Variants in RELL1 observed in about 807,000 individuals in gnomAD.
RELL1 encodes RELT-like protein 1.
A neutral mutation model predicts 23.0 loss-of-function variants in RELL1; 10 were observed. The observed-to-expected ratio is 0.43, with a 90% CI of 0.27 to 0.74. RELL1 has a LOEUF of 0.74. Ranked by LOEUF, RELL1 falls within the 30% of genes least tolerant of loss-of-function variation. RELL1 has a pLI of 0.19. For missense variants in RELL1, 315 were observed against 364.4 expected (o/e 0.86, Z 1.10); for synonymous variants, 146 against 146.8 (o/e 0.99, Z 0.04).
intron 3 of RELL1, among the ~76,000 whole-genome samples, chr4:37,646,695 A>G (rs1431047537): frequency 6.6e-6 from 1 of 152,136 alleles, no homozygotes; most frequent in Non-Finnish European, 1.5e-5. Context: ...TGTCCCAACA[A>G]TGCTGTGAAG....
At position 37,678,933 on chromosome 4, in the gene RELL1, A is replaced by T. The variant is rs75427792; in HGVS notation, c.88+7267T>A. 7.7e-4 allele frequency among the ~76,000 whole-genome samples: 117 copies of T among 152,320 alleles called. 2 individuals are homozygous for T. In the East Asian group the frequency reaches 0.018, roughly 24 times the overall value. On this transcript the variant is annotated intron_variant, in intron 1 of 6. Transcript: ENST00000454158. ...GAGAGGAGGATCAGGTAGGGCTGGC[A>T]GCTGGCAAGGGAAATGGGAGATACC...
chr4:37,604,761 CCACA>C (rs200811075), intron 6 of RELL1, among the ~76,000 whole-genome samples: 2 of 50,224 alleles, frequency 4.0e-5, no homozygotes, highest in Admixed American at 2.3e-4. Flanking sequence ...AAAACAAGAA[CCACA>C]CACACACACA....
chr4:37,632,096 A>AAAC (rs1720160285), intron 5 of RELL1, among the ~76,000 whole-genome samples: 1 of 150,270 alleles, frequency 6.7e-6, no homozygotes, highest in Non-Finnish European at 1.5e-5. Flanking sequence ...AAAAAAAAAA[A>AAAC]AAAAAAAAAA....
chr4:37,658,291 A>C (rs1461621096), intron 1 of RELL1, among the ~76,000 whole-genome samples: 1 of 152,216 alleles, frequency 6.6e-6, no homozygotes, highest in Admixed American at 6.5e-5. Flanking sequence ...AATCAGGATC[A>C]GAATGGAAAG....
At chr4:37,684,540 C>G (rs1722334277) in intron 1 of RELL1, among the ~76,000 whole-genome samples, 1 of 152,176 alleles carries the variant, frequency 6.6e-6, no homozygotes, top group Non-Finnish European at 1.5e-5. Flanking sequence ...CCAGATTAAA[C>G]TCTTCCCCAG....
At chr4:37,590,939 C>T (rs777330778) in exon 7 of RELL1, 52 of 1,613,946 alleles carry the variant, frequency 3.2e-5, no homozygotes, top group Admixed American at 5.0e-5. Flanking sequence ...GCAGCGGTGG[C>T]GGAGGCCCTT....
At chr4:37,648,136 A>G (rs1720773898) in intron 2 of RELL1, among the ~76,000 whole-genome samples, 1 of 152,256 alleles carries the variant, frequency 6.6e-6, no homozygotes, top group African/African-American at 2.4e-5. Flanking sequence ...TTACCTGGAC[A>G]ATGCCTTCTC....
intron 6 of RELL1, among the ~76,000 whole-genome samples, chr4:37,596,730 A>ATATATATATATATATATATATT (rs1718864312): frequency 5.9e-5 from 1 of 16,972 alleles, no homozygotes; most frequent in Non-Finnish European, 1.6e-4. Context: ...ATATATATAT[A>ATATATATATATATATATATATT]TATATATTTT....
At chr4:37,637,567 GC>G (rs925151300) in intron 4 of RELL1, among the ~76,000 whole-genome samples, 3 of 152,136 alleles carry the variant, frequency 2.0e-5, no homozygotes, top group Non-Finnish European at 2.9e-5. Context: ...ATGCCCATTG[GC>G]CCCCCGGGGT....
At chr4:37,588,927 A>G (rs768923646), downstream of RELL1, 3 of 1,585,218 alleles carry the variant, frequency 1.9e-6, no homozygotes, top group African/African-American at 2.7e-5. Context: ...CTACTTCTAA[A>G]TGGAGGAATT....
chr4:37,636,752 G>C (rs998616065), intron 4 of RELL1, among the ~76,000 whole-genome samples: 9 of 152,266 alleles, frequency 5.9e-5, no homozygotes, highest in African/African-American at 2.2e-4. Flanking sequence ...GAGTACTGAG[G>C]GTGGCGTGGC....
At chr4:37,651,328 T>G (rs1311049011) in intron 1 of RELL1, among the ~76,000 whole-genome samples, 1 of 151,780 alleles carries the variant, frequency 6.6e-6, no homozygotes, top group African/African-American at 2.4e-5. Context: ...AAATACAAAA[T>G]GAAGAGGGGA....
chr4:37,623,710 G>A lies in RELL1; in HGVS notation c.*3+7675C>T, dbSNP rs28562724. 7.5e-3 allele frequency among the ~76,000 whole-genome samples: 1,142 copies of A among 152,148 alleles called. 13 individuals carry two copies. Among genetic ancestry groups the A allele is most frequent in the African/African-American group, 0.026 (1,069 of 41,502 alleles). ...GGCTCAGTCTCCCACACAGGAGTAC[G>A]GCAGGCATCACGGCACTACTTTTAC... On this transcript the variant is annotated intron_variant, in intron 6 of 6. Transcript: ENST00000454158.
chr4:37,637,211 C>A (rs576980476), intron 4 of RELL1, among the ~76,000 whole-genome samples: 2 of 152,324 alleles, frequency 1.3e-5, no homozygotes, highest in East Asian at 3.9e-4. Context: ...TGGGAGAAAT[C>A]AGAGCTCTTC....
At position 37,686,222 on chromosome 4, in the gene RELL1, C is replaced by CA; in HGVS notation, c.65dup (p.Ser23GlufsTer60). ...CACCCGGAGCCACCAGCGGCGAACT[C>CA]ACGGCGCCTCCCACGAAGACAGCAG... On this transcript the variant is annotated frameshift_variant, in exon 1 of 7. Transcript: ENST00000454158. LOFTEE classifies it high-confidence loss of function. 5.7e-6 allele frequency: 9 copies of CA among 1,581,140 alleles called. No individual in the cohort carries two copies. Among genetic ancestry groups the CA allele is most frequent in the Non-Finnish European group, 7.7e-6 (9 of 1,171,802 alleles).
chr4:37,643,074 G>C (rs1220617135), intron 3 of RELL1, among the ~76,000 whole-genome samples: 2 of 152,178 alleles, frequency 1.3e-5, no homozygotes. Flanking sequence ...TAAGATTATA[G>C]GTCAGAAGTA....
At chr4:37,665,890 C>A (rs1001573023) in intron 1 of RELL1, among the ~76,000 whole-genome samples, 5 of 152,150 alleles carry the variant, frequency 3.3e-5, no homozygotes, top group African/African-American at 1.2e-4. Context: ...TTCTACCCTG[C>A]AGAATAGGAC....
intron 6 of RELL1, among the ~76,000 whole-genome samples, chr4:37,598,381 A>T (rs1393481621): frequency 6.6e-6 from 1 of 151,286 alleles, no homozygotes; most frequent in Non-Finnish European, 1.5e-5. Context: ...TCAGTAATTA[A>T]TTTCTGGGAG....
At chr4:37,663,313 C>G (rs963563443) in intron 1 of RELL1, among the ~76,000 whole-genome samples, 1 of 152,156 alleles carries the variant, frequency 6.6e-6, no homozygotes, top group African/African-American at 2.4e-5. Flanking sequence ...GGCTGCACAA[C>G]AGGAATGGAG....
Sources: gnomAD v4.1 joint callset for allele counts (sites outside exome capture counted in the v4.1 genomes callset) on GRCh38, gnomAD v4.1.1 for gene constraint, MANE v1.5 for transcripts, NCBI Gene and HGNC (gene_info 2026-07-23, HGNC 2026-07-21) for gene names.